SOS1: variants seen among roughly 807,000 people sequenced by gnomAD.
The protein encoded by SOS1 is SOS Ras/Rac guanine nucleotide exchange factor 1.
SOS1 carries 25 observed loss-of-function variants against 157.6 expected under a neutral mutation model. That is an observed-to-expected ratio of 0.16 (90% CI 0.12 to 0.22). The LOEUF is 0.22. SOS1 is among the 10% of genes least tolerant of loss of function. The pLI, the probability that SOS1 is intolerant of heterozygous loss-of-function variation, is 1.00. For synonymous variants in SOS1, 528 were observed against 534.0 expected (o/e 0.99, Z 0.16); for missense variants, 1,237 against 1,599.1 (o/e 0.77, Z 3.86).
intron 1 of SOS1, among the ~76,000 whole-genome samples, chr2:39,081,751 G>A (rs907454048): frequency 6.6e-6 from 1 of 152,102 alleles, no homozygotes; most frequent in African/African-American, 2.4e-5. Context: ...CTTGAACCCA[G>A]GAGGCAGAGG....
chr2:38,985,673 G>A lies in SOS1; in HGVS notation c.*151C>T. ...ATTTCCATTGTATAATTACATCTAG[G>A]TTAAAATTCATTGTCTTATACTGCA... On this transcript the variant is annotated 3_prime_UTR_variant, in exon 23 of 23. Transcript: ENST00000402219. The A allele has an allele frequency of 1.1e-6, 1 of 911,966 alleles. No homozygotes were observed. Among genetic ancestry groups the A allele is most frequent in the Non-Finnish European group, 1.8e-6 (1 of 563,316 alleles). 56.5% of individuals were successfully genotyped at this position (911,966 alleles called of 1,614,324 possible). A position where few individuals can be genotyped will look rare whatever the true frequency, so the allele number is the denominator to read the frequency against.
Position 39,051,088 on chromosome 2 carries a change from TA to T in SOS1, c.864+55del. On this transcript the variant is annotated intron_variant, in intron 6 of 22. Transcript: ENST00000402219. ...TGGAAAGAAGTAAGACTCTCAATTT[TA>T]ATGTAAATGTAGGCTTTTATGCAGA... The T allele has an allele frequency of 1.8e-5, 27 of 1,520,528 alleles. 1 individual carries two copies. The highest frequency in any genetic ancestry group is 3.4e-4 in the Middle Eastern group (2 of 5,872). 94.2% of individuals were successfully genotyped at this position (1,520,528 alleles called of 1,614,324 possible). A position where few individuals can be genotyped will look rare whatever the true frequency, so the allele number is the denominator to read the frequency against.
intron 2 of SOS1, among the ~76,000 whole-genome samples, chr2:39,060,748 T>C (rs372109076): frequency 2.0e-5 from 3 of 152,122 alleles, no homozygotes; most frequent in African/African-American, 7.2e-5. Flanking sequence ...AAAATGAGGG[T>C]TGGGCAATGC....
rs544670359 is a variant in SOS1, at chr2:39,112,321, G to A, written c.87+8015C>T. 2.5e-4 allele frequency among the ~76,000 whole-genome samples: 38 copies of A among 152,214 alleles called. 1 individual carries two copies. The Middle Eastern group carries it at 0.01, about 41-fold the overall frequency. On this transcript the variant is annotated intron_variant, in intron 1 of 22. Coordinates refer to ENST00000402219, the MANE Select transcript of SOS1 (RefSeq NM_005633.4). ...TATGGTCTCCACATTCAGCACTGCTGAGCAATTCCTCTCTCTCCCTCTCTC... is the reference window on the plus strand; with the variant it reads ...TATGGTCTCCACATTCAGCACTGCTAAGCAATTCCTCTCTCTCCCTCTCTC...
chr2:39,029,454 C>T (rs1285681269), intron 8 of SOS1, among the ~76,000 whole-genome samples: 6 of 151,948 alleles, frequency 3.9e-5, no homozygotes, highest in Admixed American at 2.0e-4. Context: ...AGCCAGATGC[C>T]GTCTCTACCA....
chr2:39,065,177 G>GT (rs1671552268), intron 2 of SOS1, among the ~76,000 whole-genome samples: 1 of 152,032 alleles, frequency 6.6e-6, no homozygotes, highest in South Asian at 2.1e-4. Flanking sequence ...AGAAAGCTTT[G>GT]TAAGTGTATT....
At chr2:39,018,536 G>T (rs1216163337) in intron 10 of SOS1, among the ~76,000 whole-genome samples, 1 of 151,610 alleles carries the variant, frequency 6.6e-6, no homozygotes, top group African/African-American at 2.4e-5. Context: ...ACCATTATTT[G>T]ATATTTTACT....
chr2:39,081,942 G>A (rs1046330493), intron 1 of SOS1, among the ~76,000 whole-genome samples: 1 of 152,078 alleles, frequency 6.6e-6, no homozygotes, highest in Admixed American at 6.6e-5. Context: ...GTACATAGGT[G>A]CATATATTTA....
At chr2:39,103,526 G>A (rs1002808956) in intron 1 of SOS1, among the ~76,000 whole-genome samples, 1 of 152,186 alleles carries the variant, frequency 6.6e-6, no homozygotes, top group African/African-American at 2.4e-5. Flanking sequence ...TTTGTGCCAA[G>A]TCCATTCAAT....
At chr2:39,042,948 T>C (rs1670624433) in intron 6 of SOS1, among the ~76,000 whole-genome samples, 1 of 152,176 alleles carries the variant, frequency 6.6e-6, no homozygotes, top group African/African-American at 2.4e-5. Flanking sequence ...TTGGGTTTGC[T>C]ATATAGATAA....
intron 1 of SOS1, among the ~76,000 whole-genome samples, chr2:39,088,370 T>C (rs1458703383): frequency 2.6e-5 from 4 of 151,182 alleles, no homozygotes; most frequent in Non-Finnish European, 5.9e-5. Context: ...CATTTAACCA[T>C]TTCTACATGC....
chr2:39,032,737 G>A (rs1464916602), intron 8 of SOS1, among the ~76,000 whole-genome samples: 5 of 152,244 alleles, frequency 3.3e-5, no homozygotes, highest in South Asian at 2.1e-4. Flanking sequence ...TGAGGTGGGC[G>A]GATCACCTGA....
rs749546068 is a variant in SOS1, at chr2:38,987,493, C to T, written c.3490G>A (p.Ala1164Thr). The change falls in exon 22 of 23, where the codon GCA (alanine) becomes ACA (threonine). Residue 1164 changes from alanine (A) to threonine (T), a missense_variant. Physicochemically the swap from Ala to Thr is moderately conservative, Grantham distance 58. Transcript: ENST00000402219. ...PPRRRPESAP[A>T]ESSPSKIMSK... ...TTTACCTTAGATGGTGAAGATTCTGCTGGGGCAGATTCTGGTCGTCTTCGT... is the reference window on the plus strand; with the variant it reads ...TTTACCTTAGATGGTGAAGATTCTGTTGGGGCAGATTCTGGTCGTCTTCGT... The T allele has an allele frequency of 6.3e-6, 10 of 1,584,924 alleles. No individual in the cohort carries two copies. The highest frequency in any genetic ancestry group is 8.7e-6 in the Non-Finnish European group (10 of 1,155,932).
Position 39,035,497 on chromosome 2 carries a change from G to A in SOS1, c.868C>T (p.Leu290=). 6.2e-7 allele frequency: 1 copy of A among 1,601,514 alleles called. No individual in the cohort carries two copies. The highest frequency in any genetic ancestry group is 8.6e-7 in the Non-Finnish European group (1 of 1,168,636). ...TACGATTCATATGGATCAAATGCCA[G>A]TTCCTTAGAAAATAAAGAAGGTAAA... ...GSCFEDLAEE[L]AFDPYESYAR... Residue 290 remains leucine (L), a synonymous_variant, in exon 7 of 23, where the codon CTG becomes TTG. Coordinates refer to ENST00000402219, the MANE Select transcript of SOS1 (RefSeq NM_005633.4).
intron 6 of SOS1, among the ~76,000 whole-genome samples, chr2:39,045,249 A>G (rs62144359): frequency 0.037 from 971 of 26,572 alleles, 10 homozygotes; most frequent in African/African-American, 0.059. Context: ...AGAGGGAGAG[A>G]GAGAGAGAGA....
At chr2:39,023,507 G>A (rs941685907) in intron 9 of SOS1, among the ~76,000 whole-genome samples, 1 of 151,978 alleles carries the variant, frequency 6.6e-6, no homozygotes, top group East Asian at 1.9e-4. Flanking sequence ...TATTTAGAAT[G>A]ACAACTAATA....
intron 1 of SOS1, among the ~76,000 whole-genome samples, chr2:39,114,447 G>A (rs1673568602): frequency 6.6e-6 from 1 of 152,066 alleles, no homozygotes; most frequent in Admixed American, 6.6e-5. Context: ...AGGATTACAG[G>A]CATGCGCCAC....
intron 1 of SOS1, among the ~76,000 whole-genome samples, chr2:39,101,801 G>C (rs1006133864): frequency 5.3e-5 from 8 of 152,164 alleles, no homozygotes; most frequent in African/African-American, 1.9e-4. Flanking sequence ...GGTAACACCA[G>C]GTGAAGGTGA....
At position 39,067,425 on chromosome 2, in the gene SOS1, C is replaced by CA. The variant is rs142508838; in HGVS notation, c.213+202dup. On this transcript the variant is annotated intron_variant, in intron 2 of 22. Transcript: ENST00000402219. The stretch of plus-strand genomic sequence containing the variant: ...AATATACTGAAAACATTCCAAAATC[C>CA]AAAAAAAAAACCTCAAAATCTAAAA... Among the ~76,000 whole-genome samples the CA allele has an allele frequency of 4.3e-3, 629 of 145,558 alleles. 1 individual carries two copies. The highest frequency in any genetic ancestry group is 6.6e-3 in the Non-Finnish European group (434 of 65,840).
Sources: allele counts gnomAD v4.1 joint callset (sites outside exome capture counted in the v4.1 genomes callset), GRCh38; gene constraint gnomAD v4.1.1; transcripts MANE v1.5; gene names NCBI Gene and HGNC (gene_info 2026-07-23, HGNC 2026-07-21).